The following SSUH2 variants were observed in gnomAD, a reference collection of about 807,000 sequenced individuals.
SSUH2 encodes protein SSUH2 homolog.
SSUH2 carries 47 observed loss-of-function variants against 55.3 expected under a neutral mutation model. The ratio of observed to expected loss-of-function variants is 0.85; its 90% confidence interval spans 0.67 to 1.08. The LOEUF (loss-of-function observed/expected upper bound fraction) is 1.08, where lower values mean the gene tolerates loss of function less well. Among genes scored for constraint, SSUH2 ranks in the 50% least tolerant of loss-of-function variants. The pLI is 0.00. For missense variants in SSUH2, 535 were observed against 490.7 expected, an observed-to-expected ratio of 1.09 and a Z score of -0.85; for synonymous variants, 212 against 191.5, an observed-to-expected ratio of 1.11 and a Z score of -0.89.
At chr3:8,675,126 T>A (rs1173666732) in intron 3 of SSUH2, among the ~76,000 whole-genome samples, 1 of 152,188 alleles carries the variant, frequency 6.6e-6, no homozygotes, top group Non-Finnish European at 1.5e-5. Flanking sequence ...TGACTTTACA[T>A]CCAACAGTAC....
chr3:8,669,459 A>T (rs1347568771), intron 5 of SSUH2, among the ~76,000 whole-genome samples: 1 of 152,226 alleles, frequency 6.6e-6, no homozygotes, highest in African/African-American at 2.4e-5. Flanking sequence ...TTGCTGCAAG[A>T]TTCACCAAAC....
In SSUH2 at chr3:8,625,593, C is replaced by T. The variant is rs1342497677; in HGVS notation, c.822G>A (p.Glu274=). Residue 274 remains glutamate (E), a synonymous_variant, in exon 10 of 12, where the codon GAG becomes GAA. Coordinates refer to ENST00000544814, the MANE Select transcript of SSUH2 (RefSeq NM_001256748.3). ...TTTCTCCTTTGGCTTTAGCAAGGAG[C>T]TCCCTGGGGCAGTTGAGCCGGTGCT... is the stretch of plus-strand genomic sequence containing the variant. The part of the protein sequence containing the change: ...VSEHRLNCPR[E]LLAKAKGENL... 3.7e-6 allele frequency: 6 copies of T among 1,613,904 alleles called. No individual in the cohort carries two copies. In the East Asian group the frequency reaches 8.9e-5, roughly 24 times the overall value.
intron 5 of SSUH2, chr3:8,664,033 T>C: frequency 2.9e-6 from 1 of 339,076 alleles, no homozygotes; most frequent in Non-Finnish European, 5.8e-6. Flanking sequence ...TCCCGGCCCA[T>C]GTCAACACGA....
intron 1 of SSUH2, among the ~76,000 whole-genome samples, chr3:8,680,622 A>C (rs1474288127): frequency 6.6e-6 from 1 of 152,044 alleles, no homozygotes; most frequent in Non-Finnish European, 1.5e-5. Context: ...TATTGAAAGT[A>C]ATATCATCTT....
intron 1 of SSUH2, among the ~76,000 whole-genome samples, chr3:8,681,602 T>A (rs1472395129): frequency 1.4e-5 from 2 of 139,058 alleles, no homozygotes; most frequent in East Asian, 4.7e-4. Flanking sequence ...AGCCACTCTT[T>A]TCCCCCGGCT....
chr3:8,632,095 G>T lies in SSUH2; in HGVS notation c.354C>A (p.Thr118=), dbSNP rs905189041. The T allele has an allele frequency of 8.7e-6, 14 of 1,613,808 alleles. No individual in the cohort carries two copies. The highest frequency in any genetic ancestry group is 1.2e-5 in the Non-Finnish European group (14 of 1,179,896). ...ACTCGCTTATCCTGGATTCACTAAA[G>T]GTCTCCAGACGGTACTAAAAGGAAA... ...RQTLCRYRLE[T]FSESRISEWT... Residue 118 remains threonine (T), a synonymous_variant, in exon 5 of 12, where the codon ACC becomes ACA. Coordinates refer to ENST00000544814, the MANE Select transcript of SSUH2 (RefSeq NM_001256748.3).
intron 6 of SSUH2, among the ~76,000 whole-genome samples, chr3:8,661,157 A>G (rs1703448368): frequency 6.6e-6 from 1 of 152,160 alleles, no homozygotes; most frequent in African/African-American, 2.4e-5. Flanking sequence ...AATATTTTAC[A>G]ATTGTAAGTA....
chr3:8,654,748 T>C (rs1051706735), intron 7 of SSUH2, among the ~76,000 whole-genome samples: 1 of 151,562 alleles, frequency 6.6e-6, no homozygotes, highest in African/African-American at 2.4e-5. Flanking sequence ...GTGTGTGGCC[T>C]ACCCAAAATC....
rs748315445 is a variant in SSUH2 at position 8,644,767 on chromosome 3, C to T, written c.-9G>A. The T allele has an allele frequency of 7.2e-6, 11 of 1,535,946 alleles. No individual in the cohort carries two copies. The highest frequency in any genetic ancestry group is 2.4e-5 in the East Asian group (1 of 40,936). On this transcript the variant is annotated 5_prime_UTR_variant, in exon 1 of 12. Transcript: ENST00000544814. ...TTCAGATCCCTGTCCATGTTCCAGA[C>T]GTCCTGCCAAAGAGATGTCTGCCCT...
intron 3 of SSUH2, among the ~76,000 whole-genome samples, chr3:8,676,587 A>G (rs1984639): frequency 0.13 from 20,226 of 150,854 alleles, 2,280 homozygotes; most frequent in African/African-American, 0.24. Context: ...GAATATTAGG[A>G]AGAATATCAC....
rs370877102 is a variant in SSUH2, at chr3:8,619,952, A to G, written c.1044T>C (p.Tyr348=). The G allele has an allele frequency of 8.7e-6, 14 of 1,614,074 alleles. No individual in the cohort carries two copies. Among genetic ancestry groups the G allele is most frequent in the South Asian group, 1.1e-5 (1 of 91,088 alleles). Residue 348 remains tyrosine, a synonymous_variant, in exon 12 of 12, where the codon TAT becomes TAC. Coordinates refer to ENST00000544814, the MANE Select transcript of SSUH2 (RefSeq NM_001256748.3). ...GGTCAGTGCCATAGATGTAGTAGAC[A>G]TAAGTCTTTCCTTGGTACCAATAGT... ...EVHYWYQGKT[Y]VYYIYGTDHQ...
intron 11 of SSUH2, among the ~76,000 whole-genome samples, chr3:8,621,826 A>G (rs1354553325): frequency 6.6e-6 from 1 of 152,204 alleles, no homozygotes; most frequent in Non-Finnish European, 1.5e-5. Flanking sequence ...GATGGGAGTC[A>G]ATGTCAGTGC....
chr3:8,633,572 C>T lies in SSUH2; in HGVS notation c.339+94G>A, dbSNP rs888394354. 4 of 1,092,584 alleles carry T rather than the reference C, an allele frequency of 3.7e-6. No individual in the cohort carries two copies. The African/African-American group carries it at 6.4e-5, about 17-fold the overall frequency. The allele number at this position is 1,092,584 out of a possible 1,614,324, so 67.7% of individuals were successfully genotyped here. ...CACACTGCCCCCAGGACTCCTTTCCCCTGGCCACATCACACAAACAGGCCT... is the reference window on the plus strand; with the variant it reads ...CACACTGCCCCCAGGACTCCTTTCCTCTGGCCACATCACACAAACAGGCCT... On this transcript the variant is annotated intron_variant, in intron 4 of 11. Transcript: ENST00000544814.
At chr3:8,642,162 A>G (rs6768226) in intron 1 of SSUH2, among the ~76,000 whole-genome samples, 1 of 152,086 alleles carries the variant, frequency 6.6e-6, no homozygotes. Context: ...ATTTCTGGAA[A>G]AGGTTTCAGT....
At chr3:8,676,525 G>A (rs1209850776) in intron 3 of SSUH2, among the ~76,000 whole-genome samples, 12 of 150,878 alleles carry the variant, frequency 8.0e-5, no homozygotes, top group African/African-American at 2.4e-4. Flanking sequence ...CATCTCACAC[G>A]GGGGTGAATA....
intron 7 of SSUH2, among the ~76,000 whole-genome samples, chr3:8,628,677 T>A (rs1575087211): frequency 6.6e-6 from 1 of 152,144 alleles, no homozygotes; most frequent in Admixed American, 6.5e-5. Context: ...GGGACTGAAG[T>A]GGCACAGTCA....
At chr3:8,670,970 A>T (rs774394534) in intron 5 of SSUH2, 51 of 406,474 alleles carry the variant, frequency 1.3e-4, no homozygotes, top group Non-Finnish European at 3.6e-5. Flanking sequence ...TCCCCCGAGG[A>T]TATAACGAAT....
exon 3 of SSUH2, chr3:8,677,254 C>G (rs1365931200): frequency 2.6e-5 from 4 of 151,708 alleles, no homozygotes; most frequent in African/African-American, 7.3e-5. Context: ...TCAGAGCTGC[C>G]GAAGGCAGGT....
intron 7 of SSUH2, among the ~76,000 whole-genome samples, chr3:8,652,508 T>C (rs895773202): frequency 6.6e-6 from 1 of 152,132 alleles, no homozygotes; most frequent in African/African-American, 2.4e-5. Flanking sequence ...GAAGGGAGGA[T>C]AAGAGAGAGG....
Sources: allele counts gnomAD v4.1 joint callset (sites outside exome capture counted in the v4.1 genomes callset), GRCh38; gene constraint gnomAD v4.1.1; transcripts MANE v1.5; gene names NCBI Gene and HGNC (gene_info 2026-07-23, HGNC 2026-07-21).